The following SLC24A3 variants were observed in gnomAD, a reference collection of about 807,000 sequenced individuals.
SLC24A3 encodes sodium/potassium/calcium exchanger 3.
A neutral mutation model predicts 75.8 loss-of-function variants in SLC24A3; 28 were observed. That is an observed-to-expected ratio of 0.37 (90% CI 0.27 to 0.51). SLC24A3 has a LOEUF of 0.51. Ranked by LOEUF, SLC24A3 falls within the 20% of genes least tolerant of loss-of-function variation. The probability of loss-of-function intolerance (pLI) is 0.94; values close to 1 mark genes in which losing one functional copy is unlikely to be tolerated. For synonymous variants in SLC24A3, 372 were observed against 334.1 expected, an observed-to-expected ratio of 1.11 and a Z score of -1.24; for missense variants, 663 against 847.8, an observed-to-expected ratio of 0.78 and a Z score of 2.71.
chr20:19,236,310 A>T (rs1159882696), intron 1 of SLC24A3, among the ~76,000 whole-genome samples: 1 of 152,172 alleles, frequency 6.6e-6, no homozygotes, highest in Non-Finnish European at 1.5e-5. Context: ...ATAGTGAGTG[A>T]TATGGGTTAA....
chr20:19,409,479 A>G (rs1986707351), intron 2 of SLC24A3, among the ~76,000 whole-genome samples: 1 of 151,984 alleles, frequency 6.6e-6, no homozygotes, highest in Admixed American at 6.5e-5. Context: ...CAAGTGAACT[A>G]GAAAAGGTTC....
chr20:19,679,583 C>T (rs1302156315), intron 9 of SLC24A3, among the ~76,000 whole-genome samples: 1 of 146,290 alleles, frequency 6.8e-6, no homozygotes, highest in African/African-American at 2.6e-5. Flanking sequence ...GAGACGGAGA[C>T]CGTGGGGAGA....
chr20:19,637,567 A>T (rs541602644), intron 6 of SLC24A3, among the ~76,000 whole-genome samples: 2 of 152,374 alleles, frequency 1.3e-5, no homozygotes, highest in African/African-American at 4.8e-5. Context: ...TTGGCTCCAC[A>T]GTGAGCAATA....
intron 2 of SLC24A3, among the ~76,000 whole-genome samples, chr20:19,316,114 A>G (rs1320270887): frequency 6.6e-6 from 1 of 152,174 alleles, no homozygotes; most frequent in Non-Finnish European, 1.5e-5. Context: ...TGAACCACAT[A>G]TTGCTAGCTC....
At chr20:19,364,530 A>G (rs931251428) in intron 2 of SLC24A3, among the ~76,000 whole-genome samples, 2 of 151,826 alleles carry the variant, frequency 1.3e-5, no homozygotes, top group African/African-American at 2.4e-5. Flanking sequence ...GTCATGTTTC[A>G]CTGCAGCATC....
In SLC24A3 at chr20:19,681,886, G is replaced by C. The variant is rs2122739446; in HGVS notation, c.796G>C (p.Glu266Gln). The C allele has an allele frequency of 6.2e-7, 1 of 1,614,154 alleles. No homozygotes were observed. Among genetic ancestry groups the C allele is most frequent in the Non-Finnish European group, 8.5e-7 (1 of 1,180,030 alleles). ...TAACGCTTGCATACATCAGTGCTTT[G>C]AGAGGAGGACAAAAGGTGCCGGGAA... ...KYNACIHQCF[E>Q]RRTKGAGNMV... The change falls in exon 10 of 17, where the codon GAG becomes CAG. Residue 266 changes from glutamate (E) to glutamine (Q), a missense_variant. Glu to Gln is a conservative substitution (Grantham distance 29). Transcript: ENST00000328041.
At chr20:19,425,535 T>C (rs944712702) in intron 2 of SLC24A3, among the ~76,000 whole-genome samples, 5 of 152,222 alleles carry the variant, frequency 3.3e-5, no homozygotes, top group African/African-American at 1.2e-4. Flanking sequence ...GGAGAGGTGG[T>C]GGCCTTCCCG....
intron 2 of SLC24A3, among the ~76,000 whole-genome samples, chr20:19,311,120 G>A (rs16980339): frequency 0.12 from 18,312 of 148,374 alleles, 3,072 homozygotes; most frequent in African/African-American, 0.39. Context: ...TCTTCCTTTA[G>A]TGGAGAAGCA....
chr20:19,276,744 A>G (rs1358203065), intron 1 of SLC24A3, among the ~76,000 whole-genome samples: 1 of 152,108 alleles, frequency 6.6e-6, no homozygotes, highest in African/African-American at 2.4e-5. Context: ...GTCTCTACAA[A>G]AAATAATAAA....
intron 1 of SLC24A3, chr20:19,257,524 C>T (rs1982851181): frequency 6.6e-6 from 1 of 152,192 alleles, no homozygotes. Flanking sequence ...CAAATCTCGG[C>T]CTCCAGTTGT....
Position 19,591,416 on chromosome 20 carries a change from A to G in SLC24A3, c.612+5872A>G, listed in dbSNP as rs545784491. 5.9e-5 allele frequency among the ~76,000 whole-genome samples: 9 copies of G among 152,270 alleles called. No homozygotes were observed. In the South Asian group the frequency reaches 1.9e-3, roughly 32 times the overall value. ...ATGCAAAGGAAAGTGGACATCAGGTATGACTTGATCAGGACTTCCAGCCCC... is the reference window on the plus strand; with the variant it reads ...ATGCAAAGGAAAGTGGACATCAGGTGTGACTTGATCAGGACTTCCAGCCCC... On this transcript the variant is annotated intron_variant, in intron 6 of 16. Coordinates refer to ENST00000328041, the MANE Select transcript of SLC24A3 (RefSeq NM_020689.4).
chr20:19,372,924 T>C (rs2122359220), intron 2 of SLC24A3, among the ~76,000 whole-genome samples: 1 of 152,218 alleles, frequency 6.6e-6, no homozygotes, highest in African/African-American at 2.4e-5. Context: ...AATGGAAAGT[T>C]CTTCTGATCC....
chr20:19,345,200 T>G (rs1164624481), intron 2 of SLC24A3, among the ~76,000 whole-genome samples: 1 of 152,108 alleles, frequency 6.6e-6, no homozygotes, highest in Non-Finnish European at 1.5e-5. Context: ...TAGAAGAGTA[T>G]AATTCTAACA....
In SLC24A3 at chr20:19,660,915, G is replaced by C. The variant is rs6035406; in HGVS notation, c.688-4949G>C. On this transcript the variant is annotated intron_variant, in intron 7 of 16. Transcript: ENST00000328041. Reference sequence around the variant, plus strand: ...AACAAATCGACTATGGTCTTACAAAGGTCGCCTGTTTTGTAATCCCTGCTG... The same window carrying C: ...AACAAATCGACTATGGTCTTACAAACGTCGCCTGTTTTGTAATCCCTGCTG... 3.0e-3 allele frequency among the ~76,000 whole-genome samples: 454 copies of C among 152,096 alleles called. 4 individuals are homozygous for C. The highest frequency in any genetic ancestry group is 0.011 in the African/African-American group (436 of 41,504).
At chr20:19,561,009 G>C (rs1456505964) in intron 3 of SLC24A3, among the ~76,000 whole-genome samples, 1 of 152,056 alleles carries the variant, frequency 6.6e-6, no homozygotes, top group Non-Finnish European at 1.5e-5. Context: ...ATATTTTTTT[G>C]TCTCCAGACT....
intron 2 of SLC24A3, among the ~76,000 whole-genome samples, chr20:19,385,583 T>C (rs749766457): frequency 4.6e-5 from 7 of 152,154 alleles, no homozygotes; most frequent in Non-Finnish European, 1.0e-4. Context: ...TTGTTCTTTT[T>C]GCTCAAGATT....
chr20:19,307,463 T>G (rs1221871729), intron 2 of SLC24A3, among the ~76,000 whole-genome samples: 1 of 152,196 alleles, frequency 6.6e-6, no homozygotes, highest in South Asian at 2.1e-4. Flanking sequence ...TAAAACGTTT[T>G]TAAAAAGTGT....
At chr20:19,357,695 A>T (rs985954973) in intron 2 of SLC24A3, among the ~76,000 whole-genome samples, 1 of 152,190 alleles carries the variant, frequency 6.6e-6, no homozygotes, top group Non-Finnish European at 1.5e-5. Context: ...TTGGAGATAC[A>T]TACATATCCT....
At chr20:19,503,306 A>G (rs529171754) in intron 2 of SLC24A3, among the ~76,000 whole-genome samples, 1 of 152,352 alleles carries the variant, frequency 6.6e-6, no homozygotes, top group South Asian at 2.1e-4. Context: ...GTTCAAGGAA[A>G]TGGAGAAAAG....
Sources: allele counts gnomAD v4.1 joint callset (sites outside exome capture counted in the v4.1 genomes callset), GRCh38; gene constraint gnomAD v4.1.1; transcripts MANE v1.5; gene names NCBI Gene and HGNC (gene_info 2026-07-23, HGNC 2026-07-21).